The following SPTLC3 variants were observed in gnomAD, a reference collection of about 807,000 sequenced individuals.
SPTLC3 encodes the protein serine palmitoyltransferase 3.
A neutral mutation model predicts 59.3 loss-of-function variants in SPTLC3; 36 were observed. That is an observed-to-expected ratio of 0.61 (90% CI 0.47 to 0.80). The LOEUF (loss-of-function observed/expected upper bound fraction) is 0.80, where lower values mean the gene tolerates loss of function less well. Among genes scored for constraint, SPTLC3 ranks in the 30% least tolerant of loss-of-function variants. The probability of loss-of-function intolerance (pLI) is 0.00; values close to 1 mark genes in which losing one functional copy is unlikely to be tolerated. For synonymous variants in SPTLC3, 257 were observed against 240.8 expected (o/e 1.07, Z -0.62); for missense variants, 625 against 685.1 (o/e 0.91, Z 0.98).
At position 13,093,557 on chromosome 20, in the gene SPTLC3, T is replaced by C; in HGVS notation, c.806T>C (p.Ile269Thr). The C allele has an allele frequency of 6.2e-7, 1 of 1,613,464 alleles. No homozygotes were observed. The highest frequency in any genetic ancestry group is 8.5e-7 in the Non-Finnish European group (1 of 1,179,460). The change falls in exon 6 of 12, where the codon ATA becomes ACA. Residue 269 changes from isoleucine to threonine, a missense_variant. Transcript: ENST00000399002. ...GGGGCCCGACTCTCAGGTGCAACCA[T>C]AAGAATCTTCAAACACAACAGTGAG... Reference protein sequence around the residue: ...VLGARLSGATIRIFKHNNTQS... With the variant: ...VLGARLSGATTRIFKHNNTQS...
At chr20:13,050,778 C>T (rs1314548446) in intron 2 of SPTLC3, 2 of 152,166 alleles carry the variant, frequency 1.3e-5, no homozygotes, top group African/African-American at 4.8e-5. Flanking sequence ...TCTTCAGCCC[C>T]CTCAAACAAA....
At chr20:13,153,003 G>T (rs1568630279) in intron 9 of SPTLC3, among the ~76,000 whole-genome samples, 6 of 152,208 alleles carry the variant, frequency 3.9e-5, no homozygotes. Flanking sequence ...TCACCACTCA[G>T]AATGGAGGTC....
At chr20:13,108,407 G>C (rs1006376184) in intron 6 of SPTLC3, among the ~76,000 whole-genome samples, 6 of 152,138 alleles carry the variant, frequency 3.9e-5, no homozygotes, top group African/African-American at 1.4e-4. Context: ...AAACAGATCT[G>C]AGCACAGACT....
intron 2 of SPTLC3, among the ~76,000 whole-genome samples, chr20:13,071,185 C>A (rs1988422308): frequency 6.6e-6 from 1 of 152,182 alleles, no homozygotes; most frequent in African/African-American, 2.4e-5. Flanking sequence ...GAAAACCTTG[C>A]CATGAACTAT....
At chr20:13,066,735 C>T (rs1272458032) in intron 2 of SPTLC3, among the ~76,000 whole-genome samples, 1 of 151,790 alleles carries the variant, frequency 6.6e-6, no homozygotes, top group African/African-American at 2.4e-5. Flanking sequence ...AGAAATTTCT[C>T]CCTTCTCTTC....
intron 1 of SPTLC3, among the ~76,000 whole-genome samples, chr20:13,030,487 T>C (rs1005511469): frequency 6.6e-6 from 1 of 152,202 alleles, no homozygotes; most frequent in Non-Finnish European, 1.5e-5. Context: ...CTACCATTTG[T>C]TTAAACTCAT....
At chr20:13,095,306 A>T (rs1989373012) in intron 6 of SPTLC3, among the ~76,000 whole-genome samples, 1 of 152,200 alleles carries the variant, frequency 6.6e-6, no homozygotes, top group South Asian at 2.1e-4. Flanking sequence ...TCGGGGTGTT[A>T]TCTCTTTGGA....
At chr20:13,106,563 A>G (rs1989912455) in intron 6 of SPTLC3, among the ~76,000 whole-genome samples, 1 of 152,190 alleles carries the variant, frequency 6.6e-6, no homozygotes, top group South Asian at 2.1e-4. Flanking sequence ...GGGGATGTTG[A>G]CAAACTATGT....
At position 13,110,152 on chromosome 20, in the gene SPTLC3, C is replaced by A. The variant is rs777507010; in HGVS notation, c.867C>A (p.Ile289=). ...SLEKLLRDAV[I]YGQPRTRRAW... The stretch of plus-strand genomic sequence containing the variant: ...AGAAGCTCCTGAGAGATGCTGTCAT[C>A]TATGGCCAGCCTCGAACCCGCAGAG... The change falls in exon 7 of 12, where the codon ATC becomes ATA. Residue 289 remains isoleucine, a synonymous_variant. Coordinates refer to ENST00000399002, the MANE Select transcript of SPTLC3 (RefSeq NM_018327.4). 1.2e-6 allele frequency: 2 copies of A among 1,613,648 alleles called. No homozygotes were observed. Among genetic ancestry groups the A allele is most frequent in the South Asian group, 1.1e-5 (1 of 91,056 alleles).
At chr20:13,134,057 A>T (rs1460160219) in intron 9 of SPTLC3, among the ~76,000 whole-genome samples, 1 of 152,204 alleles carries the variant, frequency 6.6e-6, no homozygotes, top group African/African-American at 2.4e-5. Context: ...TGTCTGCCAT[A>T]CAGGGTCATT....
chr20:13,073,799 T>A (rs1988535413), intron 3 of SPTLC3: 2 of 600,180 alleles, frequency 3.3e-6, no homozygotes, highest in Non-Finnish European at 3.3e-6. Flanking sequence ...GTCCTGGAGC[T>A]GTGATTAAAG....
chr20:13,154,269 G>GA, intron 10 of SPTLC3, 131 bp downstream of exon 10: 5 of 1,161,142 alleles, frequency 4.3e-6, no homozygotes, highest in Non-Finnish European at 4.8e-6. Flanking sequence ...ACGGCTTCTC[G>GA]GAAGCCACCT....
At chr20:13,160,738 G>T (rs2038879621) in intron 11 of SPTLC3, among the ~76,000 whole-genome samples, 1 of 152,198 alleles carries the variant, frequency 6.6e-6, no homozygotes, top group African/African-American at 2.4e-5. Flanking sequence ...AGTCAACTAT[G>T]TGCAAACTTG....
chr20:13,085,572 G>T (rs1424261678), intron 4 of SPTLC3, among the ~76,000 whole-genome samples: 2 of 152,176 alleles, frequency 1.3e-5, no homozygotes, highest in Non-Finnish European at 2.9e-5. Context: ...AGTGGCTACG[G>T]TTACAATTTG....
intron 9 of SPTLC3, among the ~76,000 whole-genome samples, chr20:13,150,387 TA>T (rs1475576364): frequency 1.6e-4 from 25 of 152,238 alleles, no homozygotes; most frequent in Non-Finnish European, 2.8e-4. Context: ...CAGATGTTTC[TA>T]CACATCTCTG....
intron 4 of SPTLC3, among the ~76,000 whole-genome samples, chr20:13,090,238 G>A (rs1989166920): frequency 6.6e-6 from 1 of 152,302 alleles, no homozygotes; most frequent in East Asian, 1.9e-4. Flanking sequence ...AGTTAAACTA[G>A]ATTATCTCTG....
intron 1 of SPTLC3, among the ~76,000 whole-genome samples, chr20:13,025,921 C>T (rs937589389): frequency 7.2e-5 from 11 of 152,074 alleles, no homozygotes; most frequent in Non-Finnish European, 1.5e-4. Flanking sequence ...TGTGTTGTTC[C>T]TCTATACCTG....
At position 13,110,067 on chromosome 20, in the gene SPTLC3, T is replaced by G; in HGVS notation, c.827-45T>G. 2.0e-6 allele frequency: 3 copies of G among 1,508,752 alleles called. No individual in the cohort carries two copies. In the South Asian group the frequency reaches 3.6e-5, roughly 18 times the overall value. 93.5% of individuals were successfully genotyped at this position (1,508,752 alleles called of 1,614,324 possible). ...GAAAAAGAAAGTGGAAAAGGAAAAG[T>G]AAACCCTTTCATGACTCAATTTTTT... is the stretch of plus-strand genomic sequence containing the variant. On this transcript the variant is annotated intron_variant, in intron 6 of 11. Transcript: ENST00000399002.
chr20:13,033,381 C>A (rs575670416), intron 1 of SPTLC3, among the ~76,000 whole-genome samples: 6 of 152,162 alleles, frequency 3.9e-5, no homozygotes, highest in Non-Finnish European at 8.8e-5. Flanking sequence ...CCTCACATTT[C>A]TTCAGAAAAC....
Sources: gnomAD v4.1 joint callset for allele counts (sites outside exome capture counted in the v4.1 genomes callset) on GRCh38, gnomAD v4.1.1 for gene constraint, MANE v1.5 for transcripts, NCBI Gene and HGNC (gene_info 2026-07-23, HGNC 2026-07-21) for gene names.